Variants in SNRNP70 observed in about 807,000 individuals in gnomAD.
The protein encoded by SNRNP70 is small nuclear ribonucleoprotein U1 subunit 70.
In SNRNP70, 8 loss-of-function variants were observed where a neutral mutation model predicts 50.5. The ratio of observed to expected loss-of-function variants is 0.16; its 90% CI spans 0.09 to 0.29. The LOEUF (loss-of-function observed/expected upper bound fraction) is 0.29, where lower values mean the gene tolerates loss of function less well. Among genes scored for constraint, SNRNP70 ranks in the 10% least tolerant of loss-of-function variants. The probability of loss-of-function intolerance (pLI) is 1.00; values close to 1 mark genes in which losing one functional copy is unlikely to be tolerated. For missense variants in SNRNP70, 529 were observed against 663.5 expected (o/e 0.80, Z 2.23); for synonymous variants, 320 against 252.9 (o/e 1.27, Z -2.52).
At chr19:49,097,436 G>A (rs561392592) in intron 4 of SNRNP70, among the ~76,000 whole-genome samples, 10 of 152,328 alleles carry the variant, frequency 6.6e-5, no homozygotes, top group Admixed American at 1.3e-4. Context: ...GGAACGCTAA[G>A]CATGTGGGAG....
intron 2 of SNRNP70, 62 bp downstream of exon 2, chr19:49,086,623 G>A (rs1263040968): frequency 3.3e-6 from 5 of 1,514,186 alleles, no homozygotes; most frequent in Non-Finnish European, 4.6e-6. Context: ...TTGGATTTGC[G>A]AGTCCAGCTT....
rs565057878 is a variant in SNRNP70 at position 49,104,862 on chromosome 19, C to T, written c.577+127C>T. On this transcript the variant is annotated intron_variant, in intron 8 of 9. Transcript: ENST00000598441. The surrounding 1 kb of genome is among the most constrained non-coding windows in gnomAD (Gnocchi z 5.4). ...ACCTCTCCCATCGCGTCCTCATCTC[C>T]GGCTTCTCTCTCTTGTGGCCATCAC... 9.1e-5 allele frequency: 54 copies of T among 595,064 alleles called. No homozygotes were observed. The highest frequency in any genetic ancestry group is 5.7e-4 in the African/African-American group (30 of 52,886). The allele number at this position is 595,064 out of a possible 1,614,324, so 36.9% of individuals were successfully genotyped here. A position where few individuals can be genotyped will look rare whatever the true frequency, so the allele number is the denominator to read the frequency against.
chr19:49,091,268 C>T (rs1259358553), intron 4 of SNRNP70, among the ~76,000 whole-genome samples: 2 of 151,038 alleles, frequency 1.3e-5, no homozygotes, highest in Admixed American at 1.3e-4. Context: ...ACTCGGGAGA[C>T]TGAGGCAGGA....
At position 49,107,785 on chromosome 19, in the gene SNRNP70, C is replaced by T; in HGVS notation, c.666-10C>T. The T allele has an allele frequency of 1.2e-6, 2 of 1,610,298 alleles. No individual in the cohort carries two copies. The highest frequency in any genetic ancestry group is 1.7e-6 in the Non-Finnish European group (2 of 1,178,740). ...GAGCCCAGCCACACAGGTCTGCCCA[C>T]CTCATCCAGGCCCGGCCCCTCCCCG... On this transcript the variant is annotated splice_polypyrimidine_tract_variant and intron_variant, in intron 9 of 9. Transcript: ENST00000598441. The surrounding 1 kb of genome is among the most constrained non-coding windows in gnomAD (Gnocchi z 6.0).
At chr19:49,091,378 A>G (rs1385797017) in intron 4 of SNRNP70, among the ~76,000 whole-genome samples, 1 of 152,078 alleles carries the variant, frequency 6.6e-6, no homozygotes, top group Non-Finnish European at 1.5e-5. Flanking sequence ...GTCTTAAAAA[A>G]AAAAAAGATT....
intron 2 of SNRNP70, among the ~76,000 whole-genome samples, chr19:49,087,308 G>A (rs976536041): frequency 2.0e-5 from 3 of 151,978 alleles, no homozygotes; most frequent in African/African-American, 7.2e-5. Flanking sequence ...TTGGGCAAAT[G>A]TTGTATCCTC....
intron 7 of SNRNP70, chr19:49,102,260 C>G: frequency 9.4e-7 from 1 of 1,061,532 alleles, no homozygotes; most frequent in Non-Finnish European, 1.3e-6. Flanking sequence ...AGCAGCGAGG[C>G]GCCCCTCCTC....
intron 2 of SNRNP70, among the ~76,000 whole-genome samples, chr19:49,086,792 CCCAGGAGTCGGAGGCTGGAGT>C (rs2040386106): frequency 6.6e-6 from 1 of 152,020 alleles, no homozygotes; most frequent in Non-Finnish European, 1.5e-5. Context: ...ATTGCTTGAG[CCCAGGAGTCGGAGGCTGGAGT>C]GCTTTGTGAT....
At position 49,090,452 on chromosome 19, in the gene SNRNP70, C is replaced by A. The variant is rs1452440939; in HGVS notation, c.211-14C>A. On this transcript the variant is annotated splice_polypyrimidine_tract_variant and intron_variant, in intron 3 of 9. Transcript: ENST00000598441. Reference sequence around the variant, plus strand: ...ATCTGCATTCACTTCTCCACCTCCCCTTTCTCCTGACAGAGACGGGAAAAG... The same window carrying A: ...ATCTGCATTCACTTCTCCACCTCCCATTTCTCCTGACAGAGACGGGAAAAG... The A allele has an allele frequency of 3.7e-6, 6 of 1,614,016 alleles. No homozygotes were observed. Among genetic ancestry groups the A allele is most frequent in the Non-Finnish European group, 5.1e-6 (6 of 1,179,994 alleles).
At chr19:49,086,609 C>A (rs769067930) in intron 2 of SNRNP70, 48 bp downstream of exon 2, 6 of 1,584,080 alleles carry the variant, frequency 3.8e-6, no homozygotes, top group Non-Finnish European at 5.2e-6. Flanking sequence ...TGGGGAGCAA[C>A]GGGTTGGATT....
chr19:49,085,886 G>T (rs1246103178), intron 1 of SNRNP70, among the ~76,000 whole-genome samples: 2 of 152,060 alleles, frequency 1.3e-5, no homozygotes, highest in Non-Finnish European at 2.9e-5. Flanking sequence ...TGTCTATGTT[G>T]TCCTGGACCC....
At chr19:49,095,769 C>G (rs1252756423) in intron 4 of SNRNP70, among the ~76,000 whole-genome samples, 1 of 151,858 alleles carries the variant, frequency 6.6e-6, no homozygotes, top group Non-Finnish European at 1.5e-5. Flanking sequence ...ACAAGTGATC[C>G]GCCTGCCTTG....
chr19:49,105,657 C>A (rs952560989), intron 8 of SNRNP70, among the ~76,000 whole-genome samples: 2 of 151,890 alleles, frequency 1.3e-5, no homozygotes, highest in Admixed American at 1.3e-4. Context: ...ACCTGGGAGG[C>A]AGAGGTTGCA....
chr19:49,107,788 C>T lies in SNRNP70; in HGVS notation c.666-7C>T. On this transcript the variant is annotated splice_region_variant and splice_polypyrimidine_tract_variant and intron_variant, in intron 9 of 9. Transcript: ENST00000598441. This position sits in a 1 kb window ranked among gnomAD's most constrained non-coding sequence, Gnocchi z 6.0. ...CCCAGCCACACAGGTCTGCCCACCTCATCCAGGCCCGGCCCCTCCCCGCTT... is the reference window on the plus strand; with the variant it reads ...CCCAGCCACACAGGTCTGCCCACCTTATCCAGGCCCGGCCCCTCCCCGCTT... 6.2e-7 allele frequency: 1 copy of T among 1,609,058 alleles called. No homozygotes were observed. Among genetic ancestry groups the T allele is most frequent in the Non-Finnish European group, 8.5e-7 (1 of 1,178,174 alleles).
At chr19:49,090,133 C>T (rs2040429940) in intron 2 of SNRNP70, among the ~76,000 whole-genome samples, 158 bp from the exon 3 acceptor site, 1 of 151,708 alleles carries the variant, frequency 6.6e-6, no homozygotes. Flanking sequence ...TTGATCTGTG[C>T]CACTCCCCTC....
intron 2 of SNRNP70, among the ~76,000 whole-genome samples, chr19:49,089,388 A>C (rs189865439): frequency 6.6e-6 from 1 of 152,112 alleles, no homozygotes; most frequent in East Asian, 1.9e-4. Flanking sequence ...CAGGGCTTAG[A>C]ATCGCTTGAA....
rs1490520795 is a variant in SNRNP70, at chr19:49,101,525, C to G, written c.475+54C>G. The G allele has an allele frequency of 3.1e-6, 4 of 1,284,958 alleles. No individual in the cohort carries two copies. The Admixed American group carries it at 5.1e-5, about 16-fold the overall frequency. The allele number at this position is 1,284,958 out of a possible 1,614,324, so 79.6% of individuals were successfully genotyped here. A position where few individuals can be genotyped will look rare whatever the true frequency, so the allele number is the denominator to read the frequency against. ...CTGACCTGCTCTCACTTCTCTGCTG[C>G]CCCAGCCCCTCCCAGTCTGTCCCCT... On this transcript the variant is annotated intron_variant, in intron 7 of 9. Coordinates refer to ENST00000598441, the MANE Select transcript of SNRNP70 (RefSeq NM_003089.6).
At chr19:49,106,231 G>C (rs2040667139) in intron 8 of SNRNP70, among the ~76,000 whole-genome samples, 1 of 152,150 alleles carries the variant, frequency 6.6e-6, no homozygotes. Flanking sequence ...TTCCTGTTGG[G>C]GCGGGAAAAT....
intron 7 of SNRNP70, 187 bp downstream of exon 7, chr19:49,101,658 A>C (rs2040588974): frequency 1.7e-6 from 1 of 597,278 alleles, no homozygotes; most frequent in Admixed American, 2.7e-5. Context: ...AACAAAAACC[A>C]AATCCCCCAC....
Sources: allele counts gnomAD v4.1 joint callset (sites outside exome capture counted in the v4.1 genomes callset), GRCh38; gene constraint gnomAD v4.1.1; non-coding constraint Gnocchi (gnomAD v3.1); transcripts MANE v1.5; gene names NCBI Gene and HGNC (gene_info 2026-07-23, HGNC 2026-07-21).